DKK2: variants seen among roughly 807,000 people sequenced by gnomAD.
The protein encoded by DKK2 is dickkopf Wnt signaling pathway inhibitor 2, also known as dickkopf-related protein 2.
DKK2 carries 11 observed loss-of-function variants against 28.1 expected under a neutral mutation model. That is an observed-to-expected ratio of 0.39 (90% CI 0.25 to 0.65). The LOEUF is 0.65. Among genes scored for constraint, DKK2 ranks in the 30% least tolerant of loss-of-function variants. DKK2 has a pLI of 0.47. For synonymous variants in DKK2, 135 were observed against 126.5 expected (o/e 1.07, Z -0.45); for missense variants, 326 against 335.5 (o/e 0.97, Z 0.22).
intron 1 of DKK2, among the ~76,000 whole-genome samples, chr4:106,987,654 A>G (rs1723140159): frequency 6.6e-6 from 1 of 151,802 alleles, no homozygotes; most frequent in Non-Finnish European, 1.5e-5. Context: ...CTTTGATTCC[A>G]GTTTTGGCAC....
At position 106,952,439 on chromosome 4, in the gene DKK2, A is replaced by G. The variant is rs187930179; in HGVS notation, c.223-26490T>C. ...AGGTATAGCAGAACTTTCTTAAGCCATAGAAACTGGCATCTTGAATTTTCC... is the reference window on the plus strand; with the variant it reads ...AGGTATAGCAGAACTTTCTTAAGCCGTAGAAACTGGCATCTTGAATTTTCC... On this transcript the variant is annotated intron_variant, in intron 1 of 3. Transcript: ENST00000285311. 2.6e-4 allele frequency among the ~76,000 whole-genome samples: 39 copies of G among 152,324 alleles called. 1 individual carries two copies. The East Asian group carries it at 7.3e-3, about 29-fold the overall frequency.
At chr4:107,021,302 A>T (rs753335355) in intron 1 of DKK2, among the ~76,000 whole-genome samples, 38 of 152,154 alleles carry the variant, frequency 2.5e-4, no homozygotes, top group Admixed American at 5.2e-4. Context: ...AATATGTATG[A>T]TGTTTTTATG....
At chr4:106,958,675 A>C (rs1418857398) in intron 1 of DKK2, among the ~76,000 whole-genome samples, 1 of 151,938 alleles carries the variant, frequency 6.6e-6, no homozygotes. Flanking sequence ...GTCTCTACTA[A>C]AAATGCAAAA....
intron 1 of DKK2, among the ~76,000 whole-genome samples, chr4:106,981,469 T>C (rs1024104954): frequency 2.0e-5 from 3 of 152,178 alleles, no homozygotes; most frequent in African/African-American, 7.2e-5. Context: ...TAAGTACAAA[T>C]AGGTAGCTTT....
intron 1 of DKK2, among the ~76,000 whole-genome samples, chr4:107,006,957 G>A (rs1197770513): frequency 6.6e-6 from 1 of 151,520 alleles, no homozygotes; most frequent in Non-Finnish European, 1.5e-5. Context: ...CAAACATGTC[G>A]AACATCGATA....
chr4:106,992,536 G>A (rs1329127897), intron 1 of DKK2, among the ~76,000 whole-genome samples: 1 of 152,198 alleles, frequency 6.6e-6, no homozygotes, highest in Admixed American at 6.5e-5. Flanking sequence ...TGAAGATAGG[G>A]ATTGTATATG....
intron 1 of DKK2, among the ~76,000 whole-genome samples, chr4:106,968,910 A>G (rs773777671): frequency 3.3e-5 from 5 of 152,106 alleles, no homozygotes; most frequent in Non-Finnish European, 7.4e-5. Flanking sequence ...ACACAGTCAT[A>G]TTCTTCCTCC....
intron 2 of DKK2, 52 bp from the exon 3 acceptor site, chr4:106,924,752 T>C: frequency 1.3e-6 from 2 of 1,549,694 alleles, no homozygotes; most frequent in Non-Finnish European, 1.8e-6. Context: ...TGAAATGTGA[T>C]ACTTATCCAC....
At chr4:106,982,192 A>G (rs1723036167) in intron 1 of DKK2, among the ~76,000 whole-genome samples, 1 of 152,202 alleles carries the variant, frequency 6.6e-6, no homozygotes, top group African/African-American at 2.4e-5. Flanking sequence ...TTATTTGTCT[A>G]TCACTAGACT....
chr4:106,974,468 G>A (rs1679091412), intron 1 of DKK2, among the ~76,000 whole-genome samples: 1 of 152,138 alleles, frequency 6.6e-6, no homozygotes, highest in South Asian at 2.1e-4. Context: ...TCCCTTGTAA[G>A]TTGTATTCCT....
At chr4:107,034,803 A>G (rs1192265804) in intron 1 of DKK2, among the ~76,000 whole-genome samples, 1 of 152,166 alleles carries the variant, frequency 6.6e-6, no homozygotes, top group Non-Finnish European at 1.5e-5. Flanking sequence ...ATTGTAAAAT[A>G]TAATGGTTAA....
At chr4:107,015,969 CA>C (rs1440185843) in intron 1 of DKK2, among the ~76,000 whole-genome samples, 1 of 151,854 alleles carries the variant, frequency 6.6e-6, no homozygotes, top group Non-Finnish European at 1.5e-5. Flanking sequence ...GAGAAAATTT[CA>C]ATACTTATGA....
chr4:106,936,084 T>C (rs534097682), intron 1 of DKK2, among the ~76,000 whole-genome samples: 5 of 152,142 alleles, frequency 3.3e-5, no homozygotes, highest in Admixed American at 2.0e-4. Flanking sequence ...GGAACACAGT[T>C]CCTCACCAGC....
At chr4:106,950,846 C>T (rs952324230) in intron 1 of DKK2, among the ~76,000 whole-genome samples, 10 of 152,142 alleles carry the variant, frequency 6.6e-5, no homozygotes, top group African/African-American at 2.4e-4. Flanking sequence ...GAAGTTAACA[C>T]ATCCATGAAA....
chr4:106,951,477 T>C (rs1403614838), intron 1 of DKK2, among the ~76,000 whole-genome samples: 2 of 152,138 alleles, frequency 1.3e-5, no homozygotes, highest in Non-Finnish European at 2.9e-5. Context: ...ATGTGGCATA[T>C]AGACACAATG....
At chr4:106,950,888 T>C (rs2110346740) in intron 1 of DKK2, among the ~76,000 whole-genome samples, 2 of 152,272 alleles carry the variant, frequency 1.3e-5, no homozygotes, top group Middle Eastern at 6.8e-3. Context: ...AAAACACTGA[T>C]AGTCCCTCCA....
chr4:106,925,805 T>G lies in DKK2; in HGVS notation c.367A>C (p.Asn123His). 6.2e-7 allele frequency: 1 copy of G among 1,607,816 alleles called. No homozygotes were observed. Among genetic ancestry groups the G allele is most frequent in the Non-Finnish European group, 8.5e-7 (1 of 1,177,676 alleles). Residue 123 changes from asparagine to histidine, a missense_variant, in exon 2 of 4, where the codon AAT becomes CAT. By Grantham distance (68) the Asn-to-His change is moderately conservative (BLOSUM62 1). Transcript: ENST00000285311. ...DGMCCPSTRC[N>H]NGICIPVTES... ...ACTTAGTGAGATCTTTTACCATTAT[T>G]GCAGCGGGTACTGGGGCAGCACATG...
intron 1 of DKK2, among the ~76,000 whole-genome samples, chr4:106,929,603 C>A (rs182334382): frequency 2.0e-5 from 3 of 152,186 alleles, no homozygotes; most frequent in Non-Finnish European, 2.9e-5. Flanking sequence ...TTTCTGCAAC[C>A]CCCTTTCTAG....
intron 1 of DKK2, among the ~76,000 whole-genome samples, chr4:106,987,335 G>T (rs1560586695): frequency 6.6e-6 from 1 of 152,154 alleles, no homozygotes; most frequent in Non-Finnish European, 1.5e-5. Context: ...GTCACTGTGT[G>T]TGCCTTGGTC....
Sources: gnomAD v4.1 joint callset for allele counts (sites outside exome capture counted in the v4.1 genomes callset) on GRCh38, gnomAD v4.1.1 for gene constraint, MANE v1.5 for transcripts, NCBI Gene and HGNC (gene_info 2026-07-23, HGNC 2026-07-21) for gene names.